Variants in OSMR observed in about 807,000 individuals in gnomAD.
OSMR encodes the protein oncostatin M receptor.
OSMR carries 81 observed loss-of-function variants against 99.9 expected under a neutral mutation model. The ratio of observed to expected loss-of-function variants is 0.81; its 90% CI spans 0.68 to 0.97. The LOEUF is 0.97. OSMR is among the 50% of genes least tolerant of loss of function. The pLI is 0.00. For missense variants in OSMR, 1,099 were observed against 1,153.4 expected, an observed-to-expected ratio of 0.95 and a Z score of 0.68; for synonymous variants, 406 against 410.4, an observed-to-expected ratio of 0.99 and a Z score of 0.13.
chr5:38,941,822 T>C (rs966279673), intron 1 of OSMR: 3 of 233,200 alleles, frequency 1.3e-5, no homozygotes, highest in East Asian at 6.1e-5. Flanking sequence ...CCAGCAGTTA[T>C]AGCACACCCC....
chr5:38,906,769 AT>A (rs1394867728), intron 9 of OSMR, among the ~76,000 whole-genome samples: 2 of 152,226 alleles, frequency 1.3e-5, no homozygotes, highest in African/African-American at 4.8e-5. Context: ...TTATATTTTT[AT>A]AAGATAGAGA....
At position 38,916,798 on chromosome 5, in the gene OSMR, C is replaced by T. The variant is rs114555701; in HGVS notation, c.1286-748C>T. Among the ~76,000 whole-genome samples the T allele has an allele frequency of 4.0e-3, 612 of 152,166 alleles. 4 individuals carry two copies. The highest frequency in any genetic ancestry group is 0.014 in the African/African-American group (570 of 41,502). On this transcript the variant is annotated intron_variant, in intron 9 of 17. Coordinates refer to ENST00000274276, the MANE Select transcript of OSMR (RefSeq NM_003999.3). ...TTGTTTTCTGAGTTCCTTTGAAGTT[C>T]GGTTTTTATTCATTCAAACGGTTTG...
intron 15 of OSMR, among the ~76,000 whole-genome samples, chr5:38,931,002 CG>C (rs1746715967): frequency 6.8e-6 from 1 of 147,490 alleles, no homozygotes; most frequent in Non-Finnish European, 1.5e-5. Context: ...TTGTGGTTTT[CG>C]TAGTGTTTTT....
In OSMR at chr5:38,923,168, T is replaced by C. The variant is rs774307634; in HGVS notation, c.1784T>C (p.Val595Ala). ...VISTDAFRPG[V>A]RYDFRIYGLS... ...TCCCTAGATGCTTTTAGGCCAGGAG[T>C]TCGATATGACTTCAGAATTTATGGG... The change falls in exon 13 of 18, where the codon GTT (valine) becomes GCT (alanine). Residue 595 changes from valine to alanine, a missense_variant. Coordinates refer to ENST00000274276, the MANE Select transcript of OSMR (RefSeq NM_003999.3). The C allele has an allele frequency of 6.2e-7, 1 of 1,613,346 alleles. No homozygotes were observed. Among genetic ancestry groups the C allele is most frequent in the South Asian group, 1.1e-5 (1 of 91,046 alleles).
At chr5:38,871,164 A>G (rs950797405) in intron 2 of OSMR, among the ~76,000 whole-genome samples, 1 of 152,248 alleles carries the variant, frequency 6.6e-6, no homozygotes, top group Non-Finnish European at 1.5e-5. Context: ...AGGAAATCCC[A>G]GGCATCTAAC....
intron 6 of OSMR, 126 bp downstream of exon 6, chr5:38,885,610 A>G (rs1207169257): frequency 3.1e-6 from 4 of 1,270,432 alleles, no homozygotes; most frequent in Non-Finnish European, 4.6e-6. Flanking sequence ...CCACCTGCCA[A>G]GGTCAAGAGG....
chr5:38,848,770 G>C (rs75899765), intron 1 of OSMR, among the ~76,000 whole-genome samples: 2 of 151,626 alleles, frequency 1.3e-5, no homozygotes, highest in Non-Finnish European at 2.9e-5. Context: ...TAATGGCTAC[G>C]TGTTATTCTT....
chr5:38,883,573 G>T, intron 4 of OSMR: 1 of 348,522 alleles, frequency 2.9e-6, no homozygotes, highest in Non-Finnish European at 4.0e-6. Flanking sequence ...GCAATTATCA[G>T]AGTGGTAATA....
At chr5:38,905,264 G>A (rs1386645731) in intron 9 of OSMR, among the ~76,000 whole-genome samples, 2 of 152,146 alleles carry the variant, frequency 1.3e-5, no homozygotes, top group Non-Finnish European at 2.9e-5. Flanking sequence ...GCCGAGGAAG[G>A]TGGATCACGT....
At chr5:38,856,501 C>T (rs371585736) in intron 1 of OSMR, among the ~76,000 whole-genome samples, 2 of 151,978 alleles carry the variant, frequency 1.3e-5, no homozygotes, top group East Asian at 3.9e-4. Context: ...CTACTGTGTC[C>T]TGCTTGCCCC....
intron 1 of OSMR, chr5:38,942,849 T>G: frequency 6.2e-7 from 1 of 1,609,330 alleles, no homozygotes. Flanking sequence ...AAACTGTACA[T>G]CTTGAAATAA....
chr5:38,879,277 C>T (rs944726619), intron 3 of OSMR, among the ~76,000 whole-genome samples: 1 of 152,256 alleles, frequency 6.6e-6, no homozygotes, highest in Non-Finnish European at 1.5e-5. Context: ...TCCCCAAGCA[C>T]ATGAGGACAG....
At chr5:38,852,697 C>T (rs1740485713) in intron 1 of OSMR, among the ~76,000 whole-genome samples, 1 of 134,964 alleles carries the variant, frequency 7.4e-6, no homozygotes, top group Admixed American at 7.6e-5. Context: ...CTTTGTGATA[C>T]ATATTGAAAC....
intron 11 of OSMR, 191 bp from the exon 12 acceptor site, chr5:38,921,424 T>C (rs1746227290): frequency 2.2e-6 from 2 of 924,350 alleles, no homozygotes; most frequent in African/African-American, 3.6e-5. Flanking sequence ...CAGGTGTGAA[T>C]ATTCGCTGGG....
chr5:38,885,450 A>G lies in OSMR; in HGVS notation c.805A>G (p.Lys269Glu). Residue 269 changes from lysine to glutamate, a missense_variant, in exon 6 of 18, where the codon AAA becomes GAA. Coordinates refer to ENST00000274276, the MANE Select transcript of OSMR (RefSeq NM_003999.3). ...GACGGACACTGCCTTGGGGTGGTCTAAACAACCTTCCCAAAGCTACACTTT... is the reference window on the plus strand; with the variant it reads ...GACGGACACTGCCTTGGGGTGGTCTGAACAACCTTCCCAAAGCTACACTTT... ...PGTDTALGWS[K>E]QPSQSYTLFE... is the part of the protein sequence containing the mutation. 5 of 1,614,080 alleles carry G rather than the reference A, an allele frequency of 3.1e-6. No homozygotes were observed. Among genetic ancestry groups the G allele is most frequent in the Non-Finnish European group, 4.2e-6 (5 of 1,179,920 alleles).
At chr5:38,882,115 G>T (rs1743335407) in intron 4 of OSMR, among the ~76,000 whole-genome samples, 1 of 152,232 alleles carries the variant, frequency 6.6e-6, no homozygotes, top group Admixed American at 6.5e-5. Context: ...TATGCGTCTA[G>T]AGTAGAGGTT....
chr5:38,930,668 C>T (rs1207408218), intron 15 of OSMR, among the ~76,000 whole-genome samples: 1 of 152,106 alleles, frequency 6.6e-6, no homozygotes, highest in African/African-American at 2.4e-5. Context: ...AGTCTAATAA[C>T]AGAGAGATAC....
chr5:38,944,775 T>A, intron 2 of OSMR: 1 of 896,778 alleles, frequency 1.1e-6, no homozygotes, highest in Non-Finnish European at 1.8e-6. Flanking sequence ...TAATTAACAG[T>A]GTTAAATTGC....
At chr5:38,883,207 C>A (rs1022614087) in intron 4 of OSMR, among the ~76,000 whole-genome samples, 4 of 152,182 alleles carry the variant, frequency 2.6e-5, no homozygotes, top group African/African-American at 9.7e-5. Context: ...CCCAGCTACT[C>A]AGGAGGCTGA....
Sources: allele counts gnomAD v4.1 joint callset (sites outside exome capture counted in the v4.1 genomes callset), GRCh38; gene constraint gnomAD v4.1.1; transcripts MANE v1.5; gene names NCBI Gene and HGNC (gene_info 2026-07-23, HGNC 2026-07-21).